Variants in DCC observed in about 807,000 individuals in gnomAD.
The protein encoded by DCC is netrin receptor DCC.
Under a neutral mutation model 172.5 loss-of-function variants are expected in DCC, and 58 were observed. The ratio of observed to expected loss-of-function variants is 0.34; its 90% confidence interval spans 0.27 to 0.42. The LOEUF (loss-of-function observed/expected upper bound fraction) is 0.42, where lower values mean the gene tolerates loss of function less well. DCC is among the 10% of genes least tolerant of loss of function. The probability of loss-of-function intolerance (pLI) is 1.00; values close to 1 mark genes in which losing one functional copy is unlikely to be tolerated. For missense variants in DCC, 1,740 were observed against 1,791.0 expected, an observed-to-expected ratio of 0.97 and a Z score of 0.51; for synonymous variants, 709 against 644.5, an observed-to-expected ratio of 1.10 and a Z score of -1.52.
At chr18:53,482,136 T>C (rs2045839820) in intron 25 of DCC, among the ~76,000 whole-genome samples, 1 of 152,060 alleles carries the variant, frequency 6.6e-6, no homozygotes, top group Non-Finnish European at 1.5e-5. Flanking sequence ...CCAAAAGATA[T>C]CCTAATACCT....
intron 1 of DCC, among the ~76,000 whole-genome samples, chr18:52,371,864 C>A (rs1365465832): frequency 6.6e-6 from 1 of 152,178 alleles, no homozygotes; most frequent in Admixed American, 6.5e-5. Context: ...CTGGCCTCTG[C>A]CTAGTCCTGG....
intron 12 of DCC, among the ~76,000 whole-genome samples, chr18:53,230,070 C>A (rs1381352975): frequency 6.6e-6 from 1 of 152,030 alleles, no homozygotes; most frequent in East Asian, 1.9e-4. Flanking sequence ...CAGATTACAT[C>A]TTTATTGTTT....
intron 1 of DCC, among the ~76,000 whole-genome samples, chr18:52,687,911 T>G (rs1462488131): frequency 6.6e-6 from 1 of 152,082 alleles, no homozygotes; most frequent in Non-Finnish European, 1.5e-5. Context: ...AGAACAGTGC[T>G]TTTGTTTTCA....
intron 1 of DCC, among the ~76,000 whole-genome samples, chr18:52,351,444 G>C (rs1984116955): frequency 6.6e-6 from 1 of 151,908 alleles, no homozygotes; most frequent in African/African-American, 2.4e-5. Flanking sequence ...TTTTTTATTA[G>C]ATGTGAATTT....
chr18:52,778,033 C>T (rs1054559512), intron 2 of DCC, among the ~76,000 whole-genome samples: 4 of 152,072 alleles, frequency 2.6e-5, no homozygotes, highest in African/African-American at 7.2e-5. Flanking sequence ...TAATGGTCAC[C>T]AATATAGATA....
At chr18:52,668,243 G>A (rs1340190022) in intron 1 of DCC, among the ~76,000 whole-genome samples, 1 of 152,202 alleles carries the variant, frequency 6.6e-6, no homozygotes, top group African/African-American at 2.4e-5. Flanking sequence ...ATTTCAGAGA[G>A]TGGGGCTCCC....
intron 5 of DCC, among the ~76,000 whole-genome samples, chr18:52,981,322 G>A (rs768045180): frequency 9.2e-5 from 14 of 152,008 alleles, no homozygotes; most frequent in South Asian, 4.1e-4. Flanking sequence ...AGAACTTTTT[G>A]ACAGTTCTTT....
chr18:52,996,772 C>CTTTT (rs66600556), intron 5 of DCC, among the ~76,000 whole-genome samples: 3 of 117,168 alleles, frequency 2.6e-5, no homozygotes, highest in South Asian at 2.8e-4. Context: ...TCACCTTTTT[C>CTTTT]TTTTTTTTTT....
intron 1 of DCC, among the ~76,000 whole-genome samples, chr18:52,479,583 C>G (rs58924824): frequency 1.5e-4 from 21 of 139,876 alleles, no homozygotes; most frequent in Admixed American, 1.1e-3. Flanking sequence ...TCCCTCCACC[C>G]CCCCCCCGTC....
At chr18:53,302,584 G>A (rs1017295625) in intron 12 of DCC, among the ~76,000 whole-genome samples, 1 of 151,730 alleles carries the variant, frequency 6.6e-6, no homozygotes, top group African/African-American at 2.4e-5. Flanking sequence ...TCTTTTCCTG[G>A]AACACATCTT....
At chr18:53,458,188 A>G (rs1195332734) in intron 23 of DCC, among the ~76,000 whole-genome samples, 1 of 152,208 alleles carries the variant, frequency 6.6e-6, no homozygotes. Context: ...ATTTCTTACA[A>G]GAGACATTAT....
chr18:53,409,456 T>A (rs1017112822), intron 19 of DCC, among the ~76,000 whole-genome samples: 12 of 152,172 alleles, frequency 7.9e-5, no homozygotes, highest in Non-Finnish European at 2.9e-5. Flanking sequence ...TAGATAGCAT[T>A]GAAGAATTGT....
At chr18:52,680,654 T>C (rs953661411) in intron 1 of DCC, among the ~76,000 whole-genome samples, 6 of 152,132 alleles carry the variant, frequency 3.9e-5, no homozygotes, top group African/African-American at 1.2e-4. Context: ...CACAGTGAAT[T>C]GCACATAGTG....
chr18:52,503,954 T>C (rs183201191), intron 1 of DCC, among the ~76,000 whole-genome samples: 1 of 152,278 alleles, frequency 6.6e-6, no homozygotes, highest in Admixed American at 6.5e-5. Context: ...TAGGGGTATG[T>C]ATGCCATAAA....
chr18:52,912,956 A>G (rs568549702), intron 3 of DCC, among the ~76,000 whole-genome samples: 1 of 152,066 alleles, frequency 6.6e-6, no homozygotes, highest in African/African-American at 2.4e-5. Flanking sequence ...GAAATATGAG[A>G]TTGTTCTATT....
chr18:53,289,540 T>C (rs922953929), intron 12 of DCC, among the ~76,000 whole-genome samples: 1 of 152,076 alleles, frequency 6.6e-6, no homozygotes, highest in Non-Finnish European at 1.5e-5. Flanking sequence ...AGGAAAGAGT[T>C]TGAGTTGAAT....
intron 22 of DCC, among the ~76,000 whole-genome samples, chr18:53,442,797 C>A (rs2145133198): frequency 6.6e-6 from 1 of 152,282 alleles, no homozygotes; most frequent in African/African-American, 2.4e-5. Flanking sequence ...GAAAGCAAAA[C>A]AGCCTTATTG....
At chr18:52,642,163 C>T (rs1050042777) in intron 1 of DCC, among the ~76,000 whole-genome samples, 7 of 151,370 alleles carry the variant, frequency 4.6e-5, no homozygotes, top group Admixed American at 6.6e-5. Context: ...GAATTAACAG[C>T]GTTTGCGGTG....
intron 1 of DCC, among the ~76,000 whole-genome samples, chr18:52,528,537 G>T (rs1278665284): frequency 6.6e-6 from 1 of 152,116 alleles, no homozygotes; most frequent in Non-Finnish European, 1.5e-5. Context: ...CTGGAGCCTG[G>T]ATTAAAAGCT....
Sources: gnomAD v4.1 joint callset for allele counts (sites outside exome capture counted in the v4.1 genomes callset) on GRCh38, gnomAD v4.1.1 for gene constraint, MANE v1.5 for transcripts, NCBI Gene and HGNC (gene_info 2026-07-23, HGNC 2026-07-21) for gene names.